MRPS22: variants seen among roughly 807,000 people sequenced by gnomAD.
The protein encoded by MRPS22 is mitochondrial ribosomal protein S22, also known as small ribosomal subunit protein mS22.
In MRPS22, 30 loss-of-function variants were observed where a neutral mutation model predicts 44.0. The ratio of observed to expected loss-of-function variants is 0.68; its 90% CI spans 0.51 to 0.93. The LOEUF is 0.93. Among genes scored for constraint, MRPS22 ranks in the 40% least tolerant of loss-of-function variants. The pLI is 0.00. For synonymous variants in MRPS22, 165 were observed against 154.4 expected (o/e 1.07, Z -0.51); for missense variants, 447 against 447.8 (o/e 1.00, Z 0.02).
chr3:139,345,749 A>T (rs913048048), intron 1 of MRPS22, among the ~76,000 whole-genome samples: 8 of 152,146 alleles, frequency 5.3e-5, no homozygotes, highest in African/African-American at 1.9e-4. Context: ...GGAACAGAAA[A>T]TGCAGGTTTG....
In MRPS22 at chr3:139,356,958, GA is replaced by G; in HGVS notation, c.1029del (p.Glu343AspfsTer2). On this transcript the variant is annotated frameshift_variant, in exon 8 of 8. Transcript: ENST00000680020. LOFTEE classifies it high-confidence loss of function. ...KTEAQKGAYI[E>X]LTLQTYQEAL... is the part of the protein sequence containing the mutation. ...AGAAGCACAGAAGGGAGCCTATATA[GA>G]ACTAACACTGCAGACTTATCAAGAA... The G allele has an allele frequency of 1.2e-6, 2 of 1,613,222 alleles. No homozygotes were observed. Among genetic ancestry groups the G allele is most frequent in the Non-Finnish European group, 1.7e-6 (2 of 1,179,658 alleles).
At chr3:139,344,596 G>C in intron 1 of MRPS22, 1 of 637,832 alleles carries the variant, frequency 1.6e-6, no homozygotes, top group Middle Eastern at 2.5e-4. Flanking sequence ...TGGCAAATAT[G>C]ACCAAAGCTG....
chr3:139,351,651 G>A (rs1186435988), intron 5 of MRPS22: 1 of 160,290 alleles, frequency 6.2e-6, no homozygotes, highest in Non-Finnish European at 1.4e-5. Context: ...TGTAAAGGAG[G>A]GTTCTAGAAG....
rs200542439 is a variant in MRPS22, at chr3:139,346,937, A to T, written c.232A>T (p.Ile78Leu). The change falls in exon 2 of 8, where the codon ATA becomes TTA. Residue 78 changes from isoleucine to leucine, a missense_variant. Transcript: ENST00000680020. ...ATTTATGGATGAGGAAGTTCAAAGC[A>T]TACTCACGAAAATGACAGGCTTGAA... The part of the protein sequence containing the change: ...PTFMDEEVQS[I>L]LTKMTGLNLQ... 1 of 1,614,108 alleles carries T rather than the reference A, an allele frequency of 6.2e-7. No homozygotes were observed. Among genetic ancestry groups the T allele is most frequent in the Non-Finnish European group, 8.5e-7 (1 of 1,180,044 alleles).
In MRPS22 at chr3:139,352,638, T is replaced by C. The variant is rs933450038; in HGVS notation, c.733-9T>C. 6.2e-7 allele frequency: 1 copy of C among 1,612,366 alleles called. No homozygotes were observed. The highest frequency in any genetic ancestry group is 8.5e-7 in the Non-Finnish European group (1 of 1,178,606). On this transcript the variant is annotated splice_polypyrimidine_tract_variant and intron_variant, in intron 5 of 7. Transcript: ENST00000680020. ...CATGTTTCTGAAGAGTTGCATTTTA[T>C]GTGGATAGGTTCATCACAAGACCTA... is the stretch of plus-strand genomic sequence containing the variant.
intron 6 of MRPS22, among the ~76,000 whole-genome samples, chr3:139,353,742 TAA>T (rs1941194154): frequency 6.6e-6 from 1 of 152,150 alleles, no homozygotes. Context: ...TGTAGTGTAA[TAA>T]AAATCAGAGG....
chr3:139,355,390 G>T (rs1027224731), intron 6 of MRPS22, among the ~76,000 whole-genome samples: 1 of 152,088 alleles, frequency 6.6e-6, no homozygotes, highest in Non-Finnish European at 1.5e-5. Context: ...GAGAAATGGT[G>T]CTCTTTTTCC....
At chr3:139,353,311 A>G (rs1480387992) in intron 6 of MRPS22, among the ~76,000 whole-genome samples, 1 of 152,232 alleles carries the variant, frequency 6.6e-6, no homozygotes, top group African/African-American at 2.4e-5. Context: ...TTTAGCATCA[A>G]GCTGGTGTGC....
intron 3 of MRPS22, among the ~76,000 whole-genome samples, chr3:139,349,729 A>G (rs753351443): frequency 9.9e-5 from 15 of 152,236 alleles, no homozygotes; most frequent in Non-Finnish European, 1.8e-4. Flanking sequence ...ATAAGAAATC[A>G]TAAAAGTGTA....
At chr3:139,355,976 G>T (rs139472876) in intron 7 of MRPS22, among the ~76,000 whole-genome samples, 186 bp downstream of exon 7, 12 of 152,266 alleles carry the variant, frequency 7.9e-5, no homozygotes, top group Admixed American at 3.3e-4. Context: ...ACAGGGGAGG[G>T]GGGTAAAGTG....
At chr3:139,356,867 T>TATAA in intron 7 of MRPS22, 52 bp from the exon 8 acceptor site, 1 of 1,346,500 alleles carries the variant, frequency 7.4e-7, no homozygotes, top group Non-Finnish European at 1.1e-6. Context: ...TGAAAAACTT[T>TATAA]ATAAATAGCA....
At chr3:139,351,124 A>C in intron 5 of MRPS22, 64 bp downstream of exon 5, 1 of 1,229,178 alleles carries the variant, frequency 8.1e-7, no homozygotes, top group South Asian at 1.2e-5. Context: ...TTTTTAATCT[A>C]GCTCAATGAA....
chr3:139,344,718 G>A (rs1941005817), intron 1 of MRPS22: 1 of 700,218 alleles, frequency 1.4e-6, no homozygotes, highest in Non-Finnish European at 2.6e-6. Context: ...CCATTTTGGA[G>A]GTAGGATTGA....
At chr3:139,345,569 A>T (rs986217246) in intron 1 of MRPS22, among the ~76,000 whole-genome samples, 6 of 151,826 alleles carry the variant, frequency 4.0e-5, no homozygotes, top group African/African-American at 1.5e-4. Context: ...GCATGTAGTA[A>T]ATAGCTAATA....
Position 139,355,805 on chromosome 3 carries a change from T to TTC in MRPS22, c.987+15_987+16insTC. On this transcript the variant is annotated intron_variant, in intron 7 of 7. Coordinates refer to ENST00000680020, the MANE Select transcript of MRPS22 (RefSeq NM_020191.4). ...ATTTAATCAAGGTAAAGTTTTTTTT[T>TTC]CATATTGGTTGTTTTGTGGTGGTAA... is the stretch of plus-strand genomic sequence containing the variant. 1 of 1,594,326 alleles carries TTC rather than the reference T, an allele frequency of 6.3e-7. No homozygotes were observed. Among genetic ancestry groups the TTC allele is most frequent in the East Asian group, 2.2e-5 (1 of 44,772 alleles).
chr3:139,352,783 A>G lies in MRPS22; in HGVS notation c.869A>G (p.Gln290Arg), dbSNP rs576476643. Residue 290 changes from glutamine to arginine, a missense_variant, in exon 6 of 8, where the codon CAG becomes CGG. Coordinates refer to ENST00000680020, the MANE Select transcript of MRPS22 (RefSeq NM_020191.4). Reference protein sequence around the residue: ...KIDGLLIDQIQRDLIDDATNL... With the variant: ...KIDGLLIDQIRRDLIDDATNL... ...GATGGTTTGCTGATTGACCAGATTCAGAGAGATTTGTAAGTATGATCTTAG... is the reference window on the plus strand; with the variant it reads ...GATGGTTTGCTGATTGACCAGATTCGGAGAGATTTGTAAGTATGATCTTAG... The G allele has an allele frequency of 3.7e-6, 6 of 1,613,290 alleles. No individual in the cohort carries two copies. In the East Asian group the frequency reaches 1.3e-4, roughly 36 times the overall value.
At chr3:139,353,761 A>G (rs1941194268) in intron 6 of MRPS22, among the ~76,000 whole-genome samples, 1 of 152,184 alleles carries the variant, frequency 6.6e-6, no homozygotes, top group Admixed American at 6.5e-5. Flanking sequence ...GAGGGCAGAA[A>G]TATACCTTCA....
At chr3:139,355,933 C>G (rs928234750) in intron 7 of MRPS22, 143 bp downstream of exon 7, 1 of 729,772 alleles carries the variant, frequency 1.4e-6, no homozygotes, top group Non-Finnish European at 2.5e-6. Flanking sequence ...ATGATTTGTC[C>G]CCATATTTCT....
At position 139,344,067 on chromosome 3, in the gene MRPS22, TGAG is replaced by T. The variant is rs988997203; in HGVS notation, c.45_47del (p.Arg15del). On this transcript the variant is annotated inframe_deletion, in exon 1 of 8. Coordinates refer to ENST00000680020, the MANE Select transcript of MRPS22 (RefSeq NM_020191.4). ...ACAACTGTATTGCTGTGGAGCCTCTTGAGGAGTTCTCCGGGCGTGGAACGGGTC... is the reference window on the plus strand; with the variant it reads ...ACAACTGTATTGCTGTGGAGCCTCTTGAGTTCTCCGGGCGTGGAACGGGTC... 10 of 1,614,048 alleles carry T rather than the reference TGAG, an allele frequency of 6.2e-6. No individual in the cohort carries two copies. The highest frequency in any genetic ancestry group is 5.3e-5 in the African/African-American group (4 of 74,928).
Sources: gnomAD v4.1 joint callset for allele counts (sites outside exome capture counted in the v4.1 genomes callset) on GRCh38, gnomAD v4.1.1 for gene constraint, MANE v1.5 for transcripts, NCBI Gene and HGNC (gene_info 2026-07-23, HGNC 2026-07-21) for gene names.